Variants in NAV2 observed in about 807,000 individuals in gnomAD.
NAV2 encodes helicase, APC down-regulated 1.
A neutral mutation model predicts 223.2 loss-of-function variants in NAV2; 54 were observed. The ratio of observed to expected loss-of-function variants is 0.24; its 90% CI spans 0.19 to 0.30. NAV2 has a LOEUF of 0.30. NAV2 is among the 10% of genes least tolerant of loss of function. The probability of loss-of-function intolerance (pLI) is 1.00; values close to 1 mark genes in which losing one functional copy is unlikely to be tolerated. For synonymous variants in NAV2, 1,279 were observed against 1,239.3 expected (o/e 1.03, Z -0.67); for missense variants, 2,806 against 3,147.5 (o/e 0.89, Z 2.60).
intron 1 of NAV2, among the ~76,000 whole-genome samples, chr11:19,576,376 C>A (rs982159643): frequency 6.6e-6 from 1 of 152,118 alleles, no homozygotes; most frequent in Non-Finnish European, 1.5e-5. Context: ...TATTTTGAAA[C>A]CACTCGCTTC....
intron 1 of NAV2, among the ~76,000 whole-genome samples, chr11:19,785,366 C>T (rs1882528): frequency 0.015 from 2,220 of 152,274 alleles, 55 homozygotes; most frequent in African/African-American, 0.05. Context: ...AGAGAGAGCA[C>T]TTAGAATTCC....
At chr11:19,383,524 G>A (rs1211912406) in intron 1 of NAV2, among the ~76,000 whole-genome samples, 1 of 152,144 alleles carries the variant, frequency 6.6e-6, no homozygotes, top group South Asian at 2.1e-4. Flanking sequence ...AAAAGCCCTT[G>A]AGAAATGCCT....
At chr11:19,604,588 A>G (rs1267628731) in intron 1 of NAV2, among the ~76,000 whole-genome samples, 1 of 152,134 alleles carries the variant, frequency 6.6e-6, no homozygotes, top group Non-Finnish European at 1.5e-5. Context: ...TGTGCCAGGC[A>G]ATGCTCTAAC....
intron 1 of NAV2, among the ~76,000 whole-genome samples, chr11:19,406,240 A>G (rs771080760): frequency 2.0e-5 from 3 of 152,066 alleles, no homozygotes; most frequent in Non-Finnish European, 2.9e-5. Context: ...CCTGAGTTTA[A>G]ATCTGTGCAT....
intron 1 of NAV2, among the ~76,000 whole-genome samples, chr11:19,390,254 T>C (rs1484620826): frequency 6.6e-6 from 1 of 152,178 alleles, no homozygotes; most frequent in Non-Finnish European, 1.5e-5. Context: ...ATACCCTCTC[T>C]GTGGCCTTTC....
chr11:19,360,833 C>G (rs1401442613), intron 1 of NAV2, among the ~76,000 whole-genome samples: 1 of 152,138 alleles, frequency 6.6e-6, no homozygotes, highest in Non-Finnish European at 1.5e-5. Flanking sequence ...ACTGAACTGC[C>G]CCTGTCCTCG....
At chr11:19,426,946 T>A (rs906825078) in intron 1 of NAV2, among the ~76,000 whole-genome samples, 2 of 152,194 alleles carry the variant, frequency 1.3e-5, no homozygotes, top group Admixed American at 1.3e-4. Context: ...CATTTAAGAC[T>A]GGTCTTGGCA....
intron 1 of NAV2, among the ~76,000 whole-genome samples, chr11:19,741,699 ATATATATATATATATATATAT>A (rs2052837211): frequency 2.1e-4 from 2 of 9,654 alleles, no homozygotes; most frequent in Non-Finnish European, 1.3e-3. Flanking sequence ...ATATATATAT[ATATATATATATATATATATAT>A]ATATATATCA....
At chr11:19,718,538 T>TTTGCTCCATTGTGTTTTGATTAGAATCC (rs567450578) in intron 1 of NAV2, among the ~76,000 whole-genome samples, 11,943 of 151,974 alleles carry the variant, frequency 0.079, 593 homozygotes, top group Non-Finnish European at 0.097. Context: ...CTGTGGCAAC[T>TTTGCTCCATTGTGTTTTGATTAGAATCC]TTGCTCCATT....
intron 1 of NAV2, among the ~76,000 whole-genome samples, chr11:19,656,551 T>C (rs540837852): frequency 6.6e-6 from 1 of 152,292 alleles, no homozygotes; most frequent in South Asian, 2.1e-4. Flanking sequence ...TGGATTTCAC[T>C]CCATGTTTGA....
chr11:20,083,853 G>A (rs942055958), intron 26 of NAV2, among the ~76,000 whole-genome samples: 4 of 152,226 alleles, frequency 2.6e-5, no homozygotes, highest in Admixed American at 2.6e-4. Context: ...TTTCCATGCT[G>A]TTCCATCTTT....
At chr11:19,744,316 T>C (rs1177956416) in intron 1 of NAV2, among the ~76,000 whole-genome samples, 1 of 152,140 alleles carries the variant, frequency 6.6e-6, no homozygotes, top group East Asian at 1.9e-4. Flanking sequence ...ATGGCACACT[T>C]TGCCAGAGAC....
chr11:20,113,115 CCAAGTGGGCCAAA>C (rs1427551803), intron 36 of NAV2, among the ~76,000 whole-genome samples: 1 of 152,216 alleles, frequency 6.6e-6, no homozygotes, highest in African/African-American at 2.4e-5. Flanking sequence ...GCCACATGGA[CCAAGTGGGCCAAA>C]CTAGTGGGCC....
rs185907437 is a variant in NAV2 at position 20,080,035 on chromosome 11, C to T, written c.5180-29C>T. 176 of 1,610,152 alleles carry T rather than the reference C, an allele frequency of 1.1e-4. No individual in the cohort carries two copies. The East Asian group carries it at 3.5e-3, about 32-fold the overall frequency. The stretch of plus-strand genomic sequence containing the variant: ...TAAAGAATAGGGCTCAGGTTGGCAG[C>T]TGCTGAAACACCCTGCCTTGGTCTC... On this transcript the variant is annotated intron_variant, in intron 24 of 37. Transcript: ENST00000349880.
At chr11:19,658,467 G>C (rs977858949) in intron 1 of NAV2, among the ~76,000 whole-genome samples, 9 of 152,118 alleles carry the variant, frequency 5.9e-5, no homozygotes, top group Non-Finnish European at 1.3e-4. Context: ...AATGCTGACG[G>C]GGTCTTTGCA....
At position 20,000,493 on chromosome 11, in the gene NAV2, G is replaced by A. The variant is rs1268430152; in HGVS notation, c.2768+16246G>A. Among the ~76,000 whole-genome samples the A allele has an allele frequency of 3.9e-5, 6 of 152,176 alleles. 1 individual carries two copies. The highest frequency in any genetic ancestry group is 3.9e-4 in the Admixed American group (6 of 15,284). On this transcript the variant is annotated intron_variant, in intron 11 of 37. Coordinates refer to ENST00000349880, the MANE Select transcript of NAV2 (RefSeq NM_145117.5). ...CCGACCAGGAAGGGGTGTGGAGGGT[G>A]TGAGGAGAGTAAAGCAGGGTGTCTA...
intron 19 of NAV2, among the ~76,000 whole-genome samples, chr11:20,059,389 A>G (rs1454586196): frequency 6.6e-6 from 1 of 152,170 alleles, no homozygotes; most frequent in Non-Finnish European, 1.5e-5. Context: ...TGTTACCTGC[A>G]GATTCTCTGT....
intron 1 of NAV2, among the ~76,000 whole-genome samples, chr11:19,418,064 C>A (rs976065190): frequency 2.2e-4 from 34 of 152,074 alleles, no homozygotes; most frequent in African/African-American, 7.7e-4. Context: ...CATGTGTATA[C>A]CTATGTAACA....
intron 1 of NAV2, among the ~76,000 whole-genome samples, chr11:19,463,045 G>T (rs1367656316): frequency 6.6e-6 from 1 of 152,190 alleles, no homozygotes; most frequent in African/African-American, 2.4e-5. Flanking sequence ...AGACAGAGCT[G>T]GGTCAAATCC....
Sources: allele counts gnomAD v4.1 joint callset (sites outside exome capture counted in the v4.1 genomes callset), GRCh38; gene constraint gnomAD v4.1.1; transcripts MANE v1.5; gene names NCBI Gene and HGNC (gene_info 2026-07-23, HGNC 2026-07-21).